Variants in USP9Y observed in about 807,000 individuals in gnomAD.
The protein encoded by USP9Y is ubiquitin carboxyl-terminal hydrolase 9Y.
Under a neutral mutation model 53.1 loss-of-function variants are expected in USP9Y, and 41 were observed. That is an observed-to-expected ratio of 0.77 (90% confidence interval 0.60 to 1.00). The LOEUF is 1.00. Ranked by LOEUF, USP9Y falls within the 50% of genes least tolerant of loss-of-function variation. The pLI, the probability that USP9Y is intolerant of heterozygous loss-of-function variation, is 0.00. For synonymous variants in USP9Y, 220 were observed against 173.7 expected (o/e 1.27, Z -2.09); for missense variants, 567 against 535.8 (o/e 1.06, Z -0.58).
chrY:12,759,925 T>C (rs2053473352), intron 14 of USP9Y, among the ~76,000 whole-genome samples: 2 of 33,684 alleles, frequency 5.9e-5, no homozygotes, highest in Admixed American at 2.7e-4. Flanking sequence ...GAAAGTTTCA[T>C]GGGAATAAAC....
At chrY:12,784,770 A>T (rs2053500389) in intron 22 of USP9Y, among the ~76,000 whole-genome samples, 1 of 33,257 alleles carries the variant, frequency 3.0e-5, no homozygotes, top group Non-Finnish European at 7.5e-5. Flanking sequence ...AATTCTTCTA[A>T]CATTTGGAGA....
chrY:12,841,565 C>G, intron 37 of USP9Y, among the ~76,000 whole-genome samples: 1 of 31,755 alleles, frequency 3.1e-5, no homozygotes, highest in African/African-American at 1.2e-4. Context: ...TGACTCACAC[C>G]TGTAGTCCTA....
Position 12,818,482 on chromosome Y carries a change from A to G in USP9Y, c.4893A>G (p.Ala1631=). 1 of 397,415 alleles carries G rather than the reference A, an allele frequency of 2.5e-6. No individual in the cohort carries two copies. Among genetic ancestry groups the G allele is most frequent in the Non-Finnish European group, 3.5e-6 (1 of 282,543 alleles). ...CTCATCAATTTGAAGACAAGCCAGC[A>G]TTAAGTAAGACAGAAGATAGGAAAG... ...GYPHQFEDKP[A]LSKTEDRKEY... The change falls in exon 33 of 46, where the codon GCA becomes GCG. Residue 1631 remains alanine (A), a synonymous_variant. Coordinates refer to ENST00000338981, the MANE Select transcript of USP9Y (RefSeq NM_004654.4).
chrY:12,778,081 A>G lies in USP9Y; in HGVS notation c.2702A>G (p.Asp901Gly). Residue 901 changes from aspartate to glycine, a missense_variant, in exon 20 of 46, where the codon GAT (aspartate) becomes GGT (glycine). Physicochemically the swap from Asp to Gly is moderately conservative, Grantham distance 94. Coordinates refer to ENST00000338981, the MANE Select transcript of USP9Y (RefSeq NM_004654.4). ...TTTCCAAACCAGGGCAGACAGGTTG[A>G]TGAGTTGGATATATGGTCTCATACG... The part of the protein sequence containing the change: ...VRFPNQGRQV[D>G]ELDIWSHTND... 7.5e-6 allele frequency: 3 copies of G among 397,432 alleles called. No homozygotes were observed. Among genetic ancestry groups the G allele is most frequent in the Non-Finnish European group, 1.1e-5 (3 of 282,812 alleles).
intron 12 of USP9Y, among the ~76,000 whole-genome samples, chrY:12,746,732 A>AT (rs778507910): frequency 1.7e-3 from 43 of 25,377 alleles, no homozygotes; most frequent in Non-Finnish European, 3.6e-3. Flanking sequence ...AACTCTAGGA[A>AT]TTTTTTTTTT....
In USP9Y at chrY:12,778,764, T is replaced by C; in HGVS notation, c.3030+9T>C. 1 of 391,911 alleles carries C rather than the reference T, an allele frequency of 2.6e-6. No homozygotes were observed. The highest frequency in any genetic ancestry group is 3.0e-5 in the South Asian group (1 of 33,644). On this transcript the variant is annotated intron_variant, in intron 21 of 45. Coordinates refer to ENST00000338981, the MANE Select transcript of USP9Y (RefSeq NM_004654.4). Reference sequence around the variant, plus strand: ...GTTGTTTGCCTGGGGTGGTGAGTAATTCTCTATTCAAAATATGAAGAAATG... The same window carrying C: ...GTTGTTTGCCTGGGGTGGTGAGTAACTCTCTATTCAAAATATGAAGAAATG...
intron 24 of USP9Y, among the ~76,000 whole-genome samples, chrY:12,787,308 T>A (rs2053503334): frequency 2.9e-5 from 1 of 33,974 alleles, no homozygotes; most frequent in African/African-American, 1.1e-4. Flanking sequence ...TCACTTATGT[T>A]ATAAAGGATG....
chrY:12,769,415 G>A, intron 15 of USP9Y, among the ~76,000 whole-genome samples: 3 of 33,924 alleles, frequency 8.8e-5, no homozygotes. Flanking sequence ...ATTGAAGAAC[G>A]TTTTTTGGCA....
chrY:12,818,107 CTT>C (rs2053537812), intron 32 of USP9Y, among the ~76,000 whole-genome samples: 1 of 33,180 alleles, frequency 3.0e-5, no homozygotes, highest in African/African-American at 1.2e-4. Flanking sequence ...GACCAAGTAA[CTT>C]ATTCCCCTGA....
chrY:12,717,996 AATATCCTGATAGGAAATCCTGATTTCCT>A (rs2053432442), intron 3 of USP9Y, among the ~76,000 whole-genome samples: 2 of 33,148 alleles, frequency 6.0e-5, no homozygotes, highest in East Asian at 8.0e-4. Context: ...ACTATGGCAT[AATATCCTGATAGGAAATCCTGATTTCCT>A]ATATCCTGAT....
intron 31 of USP9Y, 42 bp from the exon 32 acceptor site, chrY:12,816,082 A>T: frequency 1.1e-5 from 4 of 372,097 alleles, no homozygotes; most frequent in Non-Finnish European, 1.5e-5. Flanking sequence ...GAACAGAATC[A>T]CTGTTTTCAT....
Position 12,810,663 on chromosome Y carries a change from A to G in USP9Y, c.4093-9A>G. The stretch of plus-strand genomic sequence containing the variant: ...TGTGAATTCATGTTGTTTTAATTTA[A>G]TATTTCAGAGCACAGCAAGAGAGAA... On this transcript the variant is annotated splice_polypyrimidine_tract_variant and intron_variant, in intron 28 of 45. Coordinates refer to ENST00000338981, the MANE Select transcript of USP9Y (RefSeq NM_004654.4). 2.5e-6 allele frequency: 1 copy of G among 394,529 alleles called. No homozygotes were observed. The highest frequency in any genetic ancestry group is 3.6e-6 in the Non-Finnish European group (1 of 280,628).
intron 33 of USP9Y, among the ~76,000 whole-genome samples, chrY:12,821,206 C>T (rs961010574): frequency 6.0e-5 from 2 of 33,152 alleles, no homozygotes; most frequent in South Asian, 6.6e-4. Context: ...CTTCCTACCC[C>T]GACAACAAAA....
chrY:12,833,160 A>G (rs2053551804), intron 33 of USP9Y, among the ~76,000 whole-genome samples: 1 of 32,754 alleles, frequency 3.1e-5, no homozygotes, highest in Non-Finnish European at 7.5e-5. Flanking sequence ...CATTTTGTAT[A>G]CTTATCATTG....
At chrY:12,816,372 G>C in intron 32 of USP9Y, 28 bp downstream of exon 32, 1 of 348,645 alleles carries the variant, frequency 2.9e-6, no homozygotes, top group Non-Finnish European at 4.1e-6. Context: ...TTTCTTTGAA[G>C]AGTCTGATAG....
intron 34 of USP9Y, among the ~76,000 whole-genome samples, chrY:12,834,255 G>A (rs571405698): frequency 8.5e-3 from 276 of 32,581 alleles, no homozygotes; most frequent in African/African-American, 0.031. Flanking sequence ...CCACCTCATC[G>A]TTCACTTTAG....
chrY:12,743,547 G>A (rs765589052), intron 12 of USP9Y, among the ~76,000 whole-genome samples: 1 of 33,739 alleles, frequency 3.0e-5, no homozygotes, highest in East Asian at 7.7e-4. Flanking sequence ...ACAGGTGTGA[G>A]CCACCATGCC....
At chrY:12,787,801 A>C in intron 24 of USP9Y, among the ~76,000 whole-genome samples, 1 of 33,359 alleles carries the variant, frequency 3.0e-5, no homozygotes. Context: ...TTTACATAAA[A>C]AAAGGTAGGG....
intron 6 of USP9Y, among the ~76,000 whole-genome samples, chrY:12,725,844 C>A (rs562035792): frequency 8.3e-3 from 275 of 33,221 alleles, no homozygotes; most frequent in African/African-American, 0.031. Context: ...TTAGCAGTAT[C>A]TTCAAGTGAC....
Sources: gnomAD v4.1 joint callset for allele counts (sites outside exome capture counted in the v4.1 genomes callset) on GRCh38, gnomAD v4.1.1 for gene constraint, MANE v1.5 for transcripts, NCBI Gene and HGNC (gene_info 2026-07-23, HGNC 2026-07-21) for gene names.